NEGR1: variants seen among roughly 807,000 people sequenced by gnomAD.
NEGR1 encodes neuronal growth regulator 1, also known as IgLON family member 4.
Under a neutral mutation model 40.9 loss-of-function variants are expected in NEGR1, and 10 were observed. The ratio of observed to expected loss-of-function variants is 0.24; its 90% CI spans 0.15 to 0.42. The LOEUF (loss-of-function observed/expected upper bound fraction) is 0.42, where lower values mean the gene tolerates loss of function less well. Among genes scored for constraint, NEGR1 ranks in the 10% least tolerant of loss-of-function variants. The pLI is 1.00. For missense variants in NEGR1, 352 were observed against 438.9 expected, an observed-to-expected ratio of 0.80 and a Z score of 1.77; for synonymous variants, 185 against 166.8, an observed-to-expected ratio of 1.11 and a Z score of -0.84.
At chr1:72,168,919 A>T (rs1162912850) in intron 1 of NEGR1, among the ~76,000 whole-genome samples, 3 of 152,086 alleles carry the variant, frequency 2.0e-5, no homozygotes, top group African/African-American at 7.2e-5. Flanking sequence ...GAAAACAAAC[A>T]AACAAAAACT....
intron 6 of NEGR1, among the ~76,000 whole-genome samples, chr1:71,587,793 C>T (rs746867320): frequency 3.9e-5 from 6 of 152,076 alleles, no homozygotes; most frequent in South Asian, 4.1e-4. Context: ...AGCATCCACA[C>T]ATCATAGCAA....
chr1:72,207,810 G>T (rs1653465296), intron 1 of NEGR1, among the ~76,000 whole-genome samples: 1 of 151,790 alleles, frequency 6.6e-6, no homozygotes, highest in East Asian at 1.9e-4. Flanking sequence ...TTATTAGCAA[G>T]TACAACTAGT....
chr1:71,760,033 C>A (rs1655887796), intron 3 of NEGR1, among the ~76,000 whole-genome samples: 1 of 152,088 alleles, frequency 6.6e-6, no homozygotes. Context: ...AAATCGAATT[C>A]ACAAAATGTG....
chr1:71,736,811 G>T (rs1310698976), intron 3 of NEGR1, among the ~76,000 whole-genome samples: 2 of 152,162 alleles, frequency 1.3e-5, no homozygotes, highest in Non-Finnish European at 2.9e-5. Flanking sequence ...TGCATTTTTA[G>T]ATATGCAGAA....
chr1:71,932,201 G>T (rs1412197656), intron 2 of NEGR1, among the ~76,000 whole-genome samples: 1 of 151,964 alleles, frequency 6.6e-6, no homozygotes, highest in African/African-American at 2.4e-5. Flanking sequence ...TTCAATAAAA[G>T]TTATAAAATA....
intron 2 of NEGR1, among the ~76,000 whole-genome samples, chr1:71,836,242 A>G (rs1333052183): frequency 6.6e-6 from 1 of 152,028 alleles, no homozygotes; most frequent in Non-Finnish European, 1.5e-5. Context: ...ACCTGAGGTC[A>G]GGAATTTAAG....
intron 6 of NEGR1, among the ~76,000 whole-genome samples, chr1:71,568,949 G>A (rs1267224846): frequency 6.8e-6 from 1 of 146,584 alleles, no homozygotes; most frequent in Non-Finnish European, 1.5e-5. Flanking sequence ...ACGGAGTCTC[G>A]CTTCATCGCC....
intron 1 of NEGR1, among the ~76,000 whole-genome samples, chr1:72,112,321 G>C (rs955289562): frequency 6.7e-6 from 1 of 149,952 alleles, no homozygotes; most frequent in Non-Finnish European, 1.5e-5. Flanking sequence ...ATCTGAAAAT[G>C]TAAAGTAGTA....
At chr1:72,188,160 C>T (rs1652680541) in intron 1 of NEGR1, among the ~76,000 whole-genome samples, 1 of 151,316 alleles carries the variant, frequency 6.6e-6, no homozygotes. Flanking sequence ...GTGCCATTCT[C>T]TAGTTGTAGC....
chr1:72,129,446 T>C (rs1331909952), intron 1 of NEGR1, among the ~76,000 whole-genome samples: 1 of 152,178 alleles, frequency 6.6e-6, no homozygotes, highest in African/African-American at 2.4e-5. Context: ...TATTAATAGA[T>C]ATACAGCTTT....
chr1:71,817,300 A>C (rs1211669803), intron 2 of NEGR1, among the ~76,000 whole-genome samples: 2 of 152,112 alleles, frequency 1.3e-5, no homozygotes, highest in Non-Finnish European at 2.9e-5. Flanking sequence ...TCAATGGTTA[A>C]GCAAGATGGT....
chr1:72,098,166 C>T (rs752617967), intron 1 of NEGR1, among the ~76,000 whole-genome samples: 54 of 152,174 alleles, frequency 3.5e-4, no homozygotes, highest in Non-Finnish European at 7.2e-4. Flanking sequence ...GGGAGGAGAG[C>T]GAACATCCTT....
intron 3 of NEGR1, among the ~76,000 whole-genome samples, chr1:71,722,888 T>C (rs188350037): frequency 9.6e-4 from 146 of 152,262 alleles, no homozygotes; most frequent in Middle Eastern, 3.4e-3. Flanking sequence ...TGTGTACCTT[T>C]GCAATATTTC....
At chr1:71,504,043 C>T (rs1290294234) in intron 6 of NEGR1, among the ~76,000 whole-genome samples, 5 of 148,228 alleles carry the variant, frequency 3.4e-5, no homozygotes, top group East Asian at 2.0e-4. Context: ...CAGAGGCATT[C>T]GAGATTCAAC....
At chr1:71,877,681 A>T (rs111827424) in intron 2 of NEGR1, among the ~76,000 whole-genome samples, 2,322 of 152,292 alleles carry the variant, frequency 0.015, 53 homozygotes, top group South Asian at 0.1. Context: ...TAAAAAATAG[A>T]ATAGACAAAG....
At chr1:71,946,389 T>A (rs1464556075) in intron 1 of NEGR1, among the ~76,000 whole-genome samples, 1 of 152,138 alleles carries the variant, frequency 6.6e-6, no homozygotes, top group Non-Finnish European at 1.5e-5. Context: ...CACCTAAAAT[T>A]TTCATCATAA....
In NEGR1 at chr1:71,523,699, G is replaced by A. The variant is rs367849331; in HGVS notation, c.940+69118C>T. Among the ~76,000 whole-genome samples the A allele has an allele frequency of 3.5e-4, 53 of 151,966 alleles. 3 individuals carry two copies. In the East Asian group the frequency reaches 4.3e-3, roughly 12 times the overall value. ...TCCTGCCTACTAATATTCCCACAAT[G>A]AGCCTGTTTCTAATTTCCATCATTA... On this transcript the variant is annotated intron_variant, in intron 6 of 6. Transcript: ENST00000357731.
At chr1:72,183,652 A>G (rs1403169516) in intron 1 of NEGR1, among the ~76,000 whole-genome samples, 1 of 152,146 alleles carries the variant, frequency 6.6e-6, no homozygotes, top group East Asian at 1.9e-4. Context: ...CCAGGTGTTG[A>G]GGATATTACT....
chr1:71,970,431 C>T (rs78637216), intron 1 of NEGR1, among the ~76,000 whole-genome samples: 4 of 152,160 alleles, frequency 2.6e-5, no homozygotes, highest in African/African-American at 4.8e-5. Flanking sequence ...GGGCTCACAC[C>T]TGTAATGCCA....
Sources: allele counts gnomAD v4.1 joint callset (sites outside exome capture counted in the v4.1 genomes callset), GRCh38; gene constraint gnomAD v4.1.1; transcripts MANE v1.5; gene names NCBI Gene and HGNC (gene_info 2026-07-23, HGNC 2026-07-21).